NF2: variants seen among roughly 807,000 people sequenced by gnomAD.
The protein encoded by NF2 is NF2, moesin-ezrin-radixin like (MERLIN) tumor suppressor, also known as merlin.
In NF2, 8 loss-of-function variants were observed where a neutral mutation model predicts 83.7. That is an observed-to-expected ratio of 0.10 (90% CI 0.06 to 0.17). The LOEUF (loss-of-function observed/expected upper bound fraction) is 0.17. NF2 is among the 10% of genes least tolerant of loss of function. The probability of loss-of-function intolerance (pLI) is 1.00; values close to 1 mark genes in which losing one functional copy is unlikely to be tolerated. For synonymous variants in NF2, 266 were observed against 269.6 expected (o/e 0.99, Z 0.13); for missense variants, 533 against 744.4 (o/e 0.72, Z 3.31).
chr22:29,649,779 C>CA (rs567321314), intron 4 of NF2, among the ~76,000 whole-genome samples: 5,976 of 95,676 alleles, frequency 0.062, 396 homozygotes, highest in African/African-American at 0.2. Flanking sequence ...GCCACTGGTA[C>CA]AAAAAAAAAA....
chr22:29,618,585 A>C (rs1458651832), intron 1 of NF2, among the ~76,000 whole-genome samples: 3 of 152,270 alleles, frequency 2.0e-5, no homozygotes, highest in Non-Finnish European at 2.9e-5. Flanking sequence ...GCTGAGTGTA[A>C]TTTGCCAGGA....
chr22:29,622,552 T>TTCATACA (rs2065239734), intron 1 of NF2, among the ~76,000 whole-genome samples: 1 of 152,176 alleles, frequency 6.6e-6, no homozygotes, highest in South Asian at 2.1e-4. Context: ...TGTATGGATT[T>TTCATACA]TGAAAAGTTA....
Position 29,696,658 on chromosome 22 carries a change from C to T in NF2, c.*1856C>T, listed in dbSNP as rs2067559799. 1 of 218,676 alleles carries T rather than the reference C, an allele frequency of 4.6e-6. No homozygotes were observed. Among genetic ancestry groups the T allele is most frequent in the African/African-American group, 2.2e-5 (1 of 44,452 alleles). 13.5% of individuals were successfully genotyped at this position (218,676 alleles called of 1,614,324 possible). A position where few individuals can be genotyped will look rare whatever the true frequency, so the allele number is the denominator to read the frequency against. ...AAACCAGCCCTGGGTGCCACCCAGCCACTTAGGGTCTACAGGGTGGGACTC... is the reference window on the plus strand; with the variant it reads ...AAACCAGCCCTGGGTGCCACCCAGCTACTTAGGGTCTACAGGGTGGGACTC... On this transcript the variant is annotated 3_prime_UTR_variant, in exon 16 of 16. Transcript: ENST00000338641.
intron 1 of NF2, among the ~76,000 whole-genome samples, chr22:29,614,646 C>G (rs984759298): frequency 2.0e-5 from 3 of 151,682 alleles, no homozygotes; most frequent in African/African-American, 7.3e-5. Context: ...ACTTGGGAGG[C>G]TGAGGCAGGA....
Position 29,686,973 on chromosome 22 carries a change from T to C in NF2, c.1737+5372T>C, listed in dbSNP as rs527974654. 7.6e-4 allele frequency among the ~76,000 whole-genome samples: 115 copies of C among 152,314 alleles called. 2 individuals are homozygous for C. The highest frequency in any genetic ancestry group is 2.7e-3 in the African/African-American group (113 of 41,578). The stretch of plus-strand genomic sequence containing the variant: ...GTGCCTTGAGCCTGGCTTTCGTGCC[T>C]TCAGAGCCACAGTGCCAATGATGGG... On this transcript the variant is annotated intron_variant, in intron 15 of 15. Coordinates refer to ENST00000338641, the MANE Select transcript of NF2 (RefSeq NM_000268.4).
At chr22:29,621,481 A>G (rs1266485249) in intron 1 of NF2, among the ~76,000 whole-genome samples, 1 of 152,180 alleles carries the variant, frequency 6.6e-6, no homozygotes, top group Non-Finnish European at 1.5e-5. Context: ...AGCCTGGGCA[A>G]CATGGCGAAA....
At chr22:29,677,692 T>C (rs2857650) in intron 13 of NF2, among the ~76,000 whole-genome samples, 46,006 of 152,044 alleles carry the variant, frequency 0.3, 7,324 homozygotes, top group Non-Finnish European at 0.36. Flanking sequence ...ATACTTCCCG[T>C]CCGGCAGACC....
At chr22:29,610,422 A>G (rs978124753) in intron 1 of NF2, among the ~76,000 whole-genome samples, 3 of 152,112 alleles carry the variant, frequency 2.0e-5, no homozygotes, top group Non-Finnish European at 4.4e-5. Flanking sequence ...AGGTGGGCAG[A>G]TCACGAGGTC....
intron 6 of NF2, among the ~76,000 whole-genome samples, chr22:29,656,390 A>G (rs1344352972): frequency 7.0e-6 from 1 of 142,320 alleles, no homozygotes; most frequent in East Asian, 2.1e-4. Flanking sequence ...TTGTATGAGT[A>G]GTTCTGGGGA....
Position 29,603,837 on chromosome 22 carries a change from G to GGCCCATGCTGGCCGCTGGGGACCCGCGCA in NF2, c.-156_-128dup. 1.7e-6 allele frequency: 1 copy of GGCCCATGCTGGCCGCTGGGGACCCGCGCA among 593,934 alleles called. No individual in the cohort carries two copies. Among genetic ancestry groups the GGCCCATGCTGGCCGCTGGGGACCCGCGCA allele is most frequent in the South Asian group, 2.0e-5 (1 of 49,114 alleles). 36.8% of individuals were successfully genotyped at this position (593,934 alleles called of 1,614,324 possible). A position where few individuals can be genotyped will look rare whatever the true frequency, so the allele number is the denominator to read the frequency against. ...CTTTCCGCTCAGGCAGGGTCCTCGC[G>GGCCCATGCTGGCCGCTGGGGACCCGCGCA]GCCCATGCTGGCCGCTGGGGACCCG... is the stretch of plus-strand genomic sequence containing the variant. On this transcript the variant is annotated 5_prime_UTR_variant, in exon 1 of 16. The change creates a new upstream start codon in the 5' untranslated region. Transcript: ENST00000338641.
At chr22:29,683,965 C>T (rs2067213079) in intron 15 of NF2, 7 of 1,003,344 alleles carry the variant, frequency 7.0e-6, no homozygotes, top group Non-Finnish European at 8.4e-6. Flanking sequence ...CCCACACCAC[C>T]TGACAGCAGC....
chr22:29,621,020 A>G (rs746068221), intron 1 of NF2, among the ~76,000 whole-genome samples: 17 of 152,200 alleles, frequency 1.1e-4, no homozygotes, highest in African/African-American at 1.7e-4. Context: ...TGCAGCCACT[A>G]TCTATTCTGA....
At chr22:29,657,867 A>G (rs1175414609) in intron 6 of NF2, among the ~76,000 whole-genome samples, 1 of 152,198 alleles carries the variant, frequency 6.6e-6, no homozygotes, top group Non-Finnish European at 1.5e-5. Context: ...GTAGAAGATA[A>G]CATACCACAC....
chr22:29,654,873 T>C, intron 5 of NF2, 148 bp downstream of exon 5: 1 of 715,460 alleles, frequency 1.4e-6, no homozygotes, highest in Non-Finnish European at 2.4e-6. Context: ...GTGTGGGATC[T>C]CTGTTAAGAA....
intron 3 of NF2, among the ~76,000 whole-genome samples, chr22:29,641,616 A>AT (rs1372442632): frequency 6.6e-6 from 1 of 152,222 alleles, no homozygotes; most frequent in Non-Finnish European, 1.5e-5. Context: ...TTCTAAGAAA[A>AT]TTAAGTGCAA....
intron 1 of NF2, among the ~76,000 whole-genome samples, chr22:29,605,322 G>C (rs546258416): frequency 6.6e-6 from 1 of 152,122 alleles, no homozygotes; most frequent in Admixed American, 6.5e-5. Context: ...GCGCCACCTC[G>C]TCTGGCTAAT....
chr22:29,667,060 A>G (rs944140577), intron 9 of NF2, among the ~76,000 whole-genome samples: 2 of 152,216 alleles, frequency 1.3e-5, no homozygotes, highest in Admixed American at 1.3e-4. Flanking sequence ...GGCTTGGTAT[A>G]TGTTTAAATT....
chr22:29,678,590 G>A (rs2067037783), intron 14 of NF2, among the ~76,000 whole-genome samples: 1 of 152,182 alleles, frequency 6.6e-6, no homozygotes, highest in African/African-American at 2.4e-5. Flanking sequence ...AGTTTTTGGT[G>A]GCTCTAAGCC....
At chr22:29,659,876 G>A (rs768073473) in intron 7 of NF2, among the ~76,000 whole-genome samples, 4 of 152,160 alleles carry the variant, frequency 2.6e-5, no homozygotes, top group Non-Finnish European at 5.9e-5. Flanking sequence ...CTTTGCTGAC[G>A]AGCAGAAGAG....
Sources: gnomAD v4.1 joint callset for allele counts (sites outside exome capture counted in the v4.1 genomes callset) on GRCh38, gnomAD v4.1.1 for gene constraint, MANE v1.5 for transcripts, NCBI Gene and HGNC (gene_info 2026-07-23, HGNC 2026-07-21) for gene names.